LRRFIP2: variants seen among roughly 807,000 people sequenced by gnomAD.
LRRFIP2 encodes the protein leucine-rich repeat flightless-interacting protein 2.
A neutral mutation model predicts 125.9 loss-of-function variants in LRRFIP2; 109 were observed. The observed-to-expected ratio is 0.87, with a 90% CI of 0.74 to 1.01. The LOEUF (loss-of-function observed/expected upper bound fraction) is 1.01. LRRFIP2 is among the 50% of genes least tolerant of loss of function. The probability of loss-of-function intolerance (pLI) is 0.00; values close to 1 mark genes in which losing one functional copy is unlikely to be tolerated. For synonymous variants in LRRFIP2, 291 were observed against 293.1 expected, an observed-to-expected ratio of 0.99 and a Z score of 0.07; for missense variants, 850 against 862.3, an observed-to-expected ratio of 0.99 and a Z score of 0.18.
chr3:37,124,387 A>G (rs2095191873), intron 4 of LRRFIP2, among the ~76,000 whole-genome samples: 1 of 152,242 alleles, frequency 6.6e-6, no homozygotes, highest in Admixed American at 6.5e-5. Context: ...TATTCTACTA[A>G]GAGCCTGCTA....
chr3:37,069,344 T>G (rs116089047), intron 21 of LRRFIP2, among the ~76,000 whole-genome samples: 130 of 152,286 alleles, frequency 8.5e-4, no homozygotes, highest in Middle Eastern at 3.4e-3. Context: ...TGTTGATATA[T>G]CAACAGAAGA....
chr3:37,164,769 T>C (rs1010798762), intron 1 of LRRFIP2, among the ~76,000 whole-genome samples: 2 of 151,868 alleles, frequency 1.3e-5, no homozygotes, highest in African/African-American at 2.4e-5. Context: ...TAATCAGTTA[T>C]GGTAGACAAA....
chr3:37,093,799 C>T (rs1035498168), intron 17 of LRRFIP2, among the ~76,000 whole-genome samples: 3 of 152,182 alleles, frequency 2.0e-5, no homozygotes, highest in African/African-American at 4.8e-5. Flanking sequence ...CTCTCTTACA[C>T]GCTACTATTC....
chr3:37,053,696 A>G lies in LRRFIP2; in HGVS notation c.*155T>C. 1.7e-6 allele frequency: 1 copy of G among 604,766 alleles called. No homozygotes were observed. Among genetic ancestry groups the G allele is most frequent in the Non-Finnish European group, 3.0e-6 (1 of 333,582 alleles). The allele number at this position is 604,766 out of a possible 1,614,324, so 37.5% of individuals were successfully genotyped here. A position where few individuals can be genotyped will look rare whatever the true frequency, so the allele number is the denominator to read the frequency against. On this transcript the variant is annotated 3_prime_UTR_variant, in exon 28 of 28. Coordinates refer to ENST00000336686, the MANE Select transcript of LRRFIP2 (RefSeq NM_006309.4). ...AAGTGTTCATTCATGTAGATTCAAA[A>G]TGACTTCATTCTGTCATAAATTATA...
intron 23 of LRRFIP2, 127 bp downstream of exon 23, chr3:37,065,683 T>C: frequency 8.5e-7 from 1 of 1,174,800 alleles, no homozygotes; most frequent in Non-Finnish European, 1.3e-6. Flanking sequence ...GCCCAGATTC[T>C]TCTAGTTAAG....
chr3:37,158,604 T>C (rs2096258971), intron 1 of LRRFIP2, among the ~76,000 whole-genome samples: 1 of 101,182 alleles, frequency 9.9e-6, no homozygotes. Flanking sequence ...AAGACTCCTC[T>C]CAAAAAAAAA....
At chr3:37,159,988 G>A (rs573108544) in intron 1 of LRRFIP2, among the ~76,000 whole-genome samples, 208 of 41,058 alleles carry the variant, frequency 5.1e-3, no homozygotes, top group African/African-American at 0.022. Context: ...AGCCCTATGC[G>A]CAAAAAAAAA....
intron 1 of LRRFIP2, among the ~76,000 whole-genome samples, chr3:37,161,149 G>A (rs1373110921): frequency 6.9e-6 from 1 of 145,498 alleles, no homozygotes; most frequent in Non-Finnish European, 1.5e-5. Flanking sequence ...TTGGAGACCA[G>A]CCTGGTCAAC....
At chr3:37,122,670 G>A (rs868746238) in intron 4 of LRRFIP2, among the ~76,000 whole-genome samples, 7 of 151,908 alleles carry the variant, frequency 4.6e-5, no homozygotes, top group Non-Finnish European at 1.0e-4. Context: ...TTGTTAATAT[G>A]AAAAACTACT....
intron 23 of LRRFIP2, chr3:37,064,117 A>G (rs556302629): frequency 2.5e-5 from 7 of 279,502 alleles, no homozygotes; most frequent in African/African-American, 1.5e-4. Context: ...AGACAACTCA[A>G]ATGTCAAGTG....
rs201408033 is a variant in LRRFIP2, at chr3:37,075,011, T to C, written c.1371+13A>G. 1.9e-6 allele frequency: 3 copies of C among 1,591,484 alleles called. No individual in the cohort carries two copies. The highest frequency in any genetic ancestry group is 3.3e-5 in the Admixed American group (2 of 59,968). ...TTTTCAAAATTAAGTATTCCCACAG[T>C]TCATGTACATACCTCAATAAGCTCA... is the stretch of plus-strand genomic sequence containing the variant. On this transcript the variant is annotated intron_variant, in intron 20 of 27. Transcript: ENST00000336686.
chr3:37,164,844 C>G (rs757650710), intron 1 of LRRFIP2, among the ~76,000 whole-genome samples: 2 of 152,174 alleles, frequency 1.3e-5, no homozygotes, highest in Non-Finnish European at 2.9e-5. Context: ...AATTACTTCC[C>G]CCATGAATGT....
intron 4 of LRRFIP2, among the ~76,000 whole-genome samples, chr3:37,124,856 T>C (rs945469932): frequency 6.6e-6 from 1 of 152,176 alleles, no homozygotes; most frequent in African/African-American, 2.4e-5. Flanking sequence ...CTATTTATAT[T>C]GCCAATAGGT....
chr3:37,127,562 G>A, intron 4 of LRRFIP2, 68 bp downstream of exon 4: 1 of 1,497,094 alleles, frequency 6.7e-7, no homozygotes, highest in Non-Finnish European at 9.3e-7. Context: ...ATTAGTTAAT[G>A]TTTTACTTCA....
chr3:37,053,635 T>C lies in LRRFIP2; in HGVS notation c.*216A>G. ...GATAAAAAATAAAAACAGCATGGAC[T>C]GGTTCTACCCTAGAATCAAACTACA... On this transcript the variant is annotated 3_prime_UTR_variant, in exon 28 of 28. Coordinates refer to ENST00000336686, the MANE Select transcript of LRRFIP2 (RefSeq NM_006309.4). 1.9e-6 allele frequency: 1 copy of C among 529,518 alleles called. No homozygotes were observed. Among genetic ancestry groups the C allele is most frequent in the Non-Finnish European group, 3.4e-6 (1 of 296,434 alleles). The allele number at this position is 529,518 out of a possible 1,614,324, so 32.8% of individuals were successfully genotyped here. A position where few individuals can be genotyped will look rare whatever the true frequency, so the allele number is the denominator to read the frequency against.
intron 1 of LRRFIP2, among the ~76,000 whole-genome samples, chr3:37,152,218 A>G (rs2150082674): frequency 6.6e-6 from 1 of 152,296 alleles, no homozygotes; most frequent in African/African-American, 2.4e-5. Context: ...ATATGATCTC[A>G]CTTATAATTG....
intron 18 of LRRFIP2, among the ~76,000 whole-genome samples, chr3:37,088,127 T>C (rs2093195148): frequency 6.6e-6 from 1 of 152,240 alleles, no homozygotes; most frequent in African/African-American, 2.4e-5. Context: ...TATGCCCATA[T>C]ACTTCTAGAA....
chr3:37,141,202 C>T (rs968135643), intron 2 of LRRFIP2, among the ~76,000 whole-genome samples: 2 of 152,188 alleles, frequency 1.3e-5, no homozygotes, highest in African/African-American at 4.8e-5. Context: ...CTTCTACCTT[C>T]TACCACTCAC....
Position 37,102,967 on chromosome 3 carries a change from A to G in LRRFIP2, c.830T>C (p.Val277Ala). ...ACTGATATCATCCACCTCAGAGACA[A>G]CACTTCCCCTACGATTGGAGCGACT... is the stretch of plus-strand genomic sequence containing the variant. ...YFSRSNRRGSVVSEVDDISIP... is the reference protein window; with the variant it reads ...YFSRSNRRGSAVSEVDDISIP... The change falls in exon 15 of 28, where the codon GTT becomes GCT. Residue 277 changes from valine to alanine, a missense_variant. Coordinates refer to ENST00000336686, the MANE Select transcript of LRRFIP2 (RefSeq NM_006309.4). The G allele has an allele frequency of 6.4e-7, 1 of 1,566,652 alleles. No homozygotes were observed. Among genetic ancestry groups the G allele is most frequent in the Non-Finnish European group, 8.7e-7 (1 of 1,153,770 alleles).
Sources: gnomAD v4.1 joint callset for allele counts (sites outside exome capture counted in the v4.1 genomes callset) on GRCh38, gnomAD v4.1.1 for gene constraint, MANE v1.5 for transcripts, NCBI Gene and HGNC (gene_info 2026-07-23, HGNC 2026-07-21) for gene names.